The following PLCH1 variants were observed in gnomAD, a reference collection of about 807,000 sequenced individuals.
PLCH1 encodes 1-phosphatidylinositol 4,5-bisphosphate phosphodiesterase eta-1.
PLCH1 carries 60 observed loss-of-function variants against 126.7 expected under a neutral mutation model. That is an observed-to-expected ratio of 0.47 (90% CI 0.38 to 0.59). The LOEUF (loss-of-function observed/expected upper bound fraction) is 0.59, where lower values mean the gene tolerates loss of function less well. PLCH1 is among the 20% of genes least tolerant of loss of function. PLCH1 has a pLI of 0.00. For missense variants in PLCH1, 1,723 were observed against 2,040.0 expected (o/e 0.84, Z 2.99); for synonymous variants, 719 against 734.9 (o/e 0.98, Z 0.35).
At chr3:155,730,838 A>G (rs1419349179) in intron 1 of PLCH1, among the ~76,000 whole-genome samples, 1 of 152,226 alleles carries the variant, frequency 6.6e-6, no homozygotes, top group Non-Finnish European at 1.5e-5. Context: ...CACAGGCAGC[A>G]CAGTGTGGAG....
At chr3:155,537,836 T>G (rs1723650215) in intron 10 of PLCH1, among the ~76,000 whole-genome samples, 2 of 152,026 alleles carry the variant, frequency 1.3e-5, no homozygotes, top group African/African-American at 4.8e-5. Flanking sequence ...ACTAGACAGG[T>G]CATCAAGACA....
chr3:155,494,426 C>A lies in PLCH1; in HGVS notation c.1986G>T (p.Lys662Asn). 1 of 1,613,964 alleles carries A rather than the reference C, an allele frequency of 6.2e-7. No individual in the cohort carries two copies. Among genetic ancestry groups the A allele is most frequent in the Non-Finnish European group, 8.5e-7 (1 of 1,179,906 alleles). Residue 662 changes from lysine (K) to asparagine (N), a missense_variant, in exon 16 of 23, where the codon AAG becomes AAT. By Grantham distance (94) the Lys-to-Asn change is moderately conservative (BLOSUM62 0). Around this residue, in one of 2 missense-constraint regions of PLCH1, gnomAD observed 776 missense variants for 1,062.9 expected, o/e 0.73. Transcript: ENST00000460012. ...KSEQFMIYNQKQLTRIYPSAY... is the reference protein window; with the variant it reads ...KSEQFMIYNQNQLTRIYPSAY... ...CAGAGGGGTAAATCCTCGTGAGTTG[C>A]TTTTGATTATAAATCATGAACTGCT...
At chr3:155,529,173 C>T (rs1030015345) in intron 10 of PLCH1, among the ~76,000 whole-genome samples, 2 of 152,150 alleles carry the variant, frequency 1.3e-5, no homozygotes, top group African/African-American at 4.8e-5. Context: ...ATATTTCATG[C>T]AGAAGTTACA....
At chr3:155,683,644 G>T (rs1744704005) in intron 2 of PLCH1, among the ~76,000 whole-genome samples, 1 of 152,200 alleles carries the variant, frequency 6.6e-6, no homozygotes, top group Non-Finnish European at 1.5e-5. Context: ...TATTTGAGCA[G>T]CTACCATCAG....
rs73156532 is a variant in PLCH1 at position 155,642,090 on chromosome 3, G to T, written c.80-45712C>A. Among the ~76,000 whole-genome samples the T allele has an allele frequency of 3.7e-3, 564 of 152,258 alleles. 6 individuals are homozygous for T. Among genetic ancestry groups the T allele is most frequent in the South Asian group, 0.025 (121 of 4,830 alleles). Reference sequence around the variant, plus strand: ...CACAATGCAGTATTCACAGTGCTTTGCATGCTTGGAGTCATTTAATAATCT... The same window carrying T: ...CACAATGCAGTATTCACAGTGCTTTTCATGCTTGGAGTCATTTAATAATCT... On this transcript the variant is annotated intron_variant, in intron 2 of 22. Coordinates refer to ENST00000460012, the MANE Select transcript of PLCH1 (RefSeq NM_014996.4).
chr3:155,588,835 A>C (rs1208781779), intron 4 of PLCH1, among the ~76,000 whole-genome samples: 1 of 152,134 alleles, frequency 6.6e-6, no homozygotes, highest in Admixed American at 6.5e-5. Flanking sequence ...TGGAGCCTCC[A>C]TTTCTTCACC....
chr3:155,485,287 A>G, intron 22 of PLCH1, 69 bp downstream of exon 22: 4 of 949,736 alleles, frequency 4.2e-6, no homozygotes, highest in Non-Finnish European at 1.6e-6. Flanking sequence ...CAGCCACTTC[A>G]TAATGGTAAA....
chr3:155,649,346 AAAT>A (rs1406427699), intron 2 of PLCH1, among the ~76,000 whole-genome samples: 4 of 152,230 alleles, frequency 2.6e-5, no homozygotes, highest in Admixed American at 2.6e-4. Flanking sequence ...TTCGGCCCTA[AAAT>A]AATAACCTGA....
chr3:155,635,307 T>C (rs988489206), intron 2 of PLCH1, among the ~76,000 whole-genome samples: 1 of 152,176 alleles, frequency 6.6e-6, no homozygotes, highest in African/African-American at 2.4e-5. Flanking sequence ...TCTCAAGCCC[T>C]GCAGCTTGCA....
intron 2 of PLCH1, among the ~76,000 whole-genome samples, chr3:155,620,850 C>A (rs777726297): frequency 1.3e-5 from 2 of 150,422 alleles, no homozygotes; most frequent in African/African-American, 4.9e-5. Flanking sequence ...CAGACTTAAA[C>A]GTCCCTACCT....
chr3:155,486,615 C>T (rs1715198542), intron 21 of PLCH1, among the ~76,000 whole-genome samples: 1 of 148,798 alleles, frequency 6.7e-6, no homozygotes, highest in Non-Finnish European at 1.5e-5. Flanking sequence ...AGCTCCGCTT[C>T]CCGGGTTCAC....
At chr3:155,556,295 G>A (rs1476493891) in intron 8 of PLCH1, among the ~76,000 whole-genome samples, 1 of 152,208 alleles carries the variant, frequency 6.6e-6, no homozygotes, top group Non-Finnish European at 1.5e-5. Flanking sequence ...GGAGGATGCA[G>A]TGAGTCGAGC....
intron 21 of PLCH1, among the ~76,000 whole-genome samples, chr3:155,474,152 G>C (rs1349092238): frequency 6.6e-6 from 1 of 151,808 alleles, no homozygotes; most frequent in East Asian, 1.9e-4. Context: ...CTACAAAATG[G>C]GAGAAAAGTT....
Position 155,579,913 on chromosome 3 carries a change from A to T in PLCH1, c.771+3559T>A, listed in dbSNP as rs144050414. On this transcript the variant is annotated intron_variant, in intron 6 of 22. Coordinates refer to ENST00000460012, the MANE Select transcript of PLCH1 (RefSeq NM_014996.4). ...CTCTCTTTCTCTCTCTCTCTCTCTC[A>T]CACACACACAGACACATACACACAC... is the stretch of plus-strand genomic sequence containing the variant. Among the ~76,000 whole-genome samples the T allele has an allele frequency of 5.7e-3, 860 of 150,942 alleles. 9 individuals are homozygous for T. The highest frequency in any genetic ancestry group is 0.019 in the African/African-American group (799 of 41,350).
At chr3:155,506,428 T>C (rs1253937320) in intron 12 of PLCH1, among the ~76,000 whole-genome samples, 3 of 151,266 alleles carry the variant, frequency 2.0e-5, no homozygotes, top group Non-Finnish European at 4.4e-5. Flanking sequence ...TGTATACATG[T>C]GCCATGCTGG....
chr3:155,737,088 C>T (rs1027652186), intron 1 of PLCH1, among the ~76,000 whole-genome samples: 1 of 151,422 alleles, frequency 6.6e-6, no homozygotes, highest in Non-Finnish European at 1.5e-5. Flanking sequence ...AGAAATTAGC[C>T]GGGCGTGGTG....
At chr3:155,715,057 GGTAA>G (rs1318461203) in intron 1 of PLCH1, among the ~76,000 whole-genome samples, 1 of 151,950 alleles carries the variant, frequency 6.6e-6, no homozygotes, top group East Asian at 1.9e-4. Flanking sequence ...AGTCAGTTTT[GGTAA>G]GTTATATTTG....
At chr3:155,566,198 TAC>T (rs147053596) in intron 7 of PLCH1, among the ~76,000 whole-genome samples, 507 of 32,184 alleles carry the variant, frequency 0.016, 91 homozygotes, top group Middle Eastern at 0.067. Context: ...TATATACACA[TAC>T]ATATATACAC....
chr3:155,473,744 C>G (rs1339643141), intron 21 of PLCH1, among the ~76,000 whole-genome samples: 1 of 151,246 alleles, frequency 6.6e-6, no homozygotes, highest in Non-Finnish European at 1.5e-5. Context: ...ATCAATGGAA[C>G]AGAACAGAGC....
Sources: gnomAD v4.1 joint callset for allele counts (sites outside exome capture counted in the v4.1 genomes callset) on GRCh38, gnomAD v4.1.1 for gene constraint, gnomAD v4.1.1 regional missense constraint, MANE v1.5 for transcripts, NCBI Gene and HGNC (gene_info 2026-07-23, HGNC 2026-07-21) for gene names.